The following MYO5B variants were observed in gnomAD, a reference collection of about 807,000 sequenced individuals.
MYO5B encodes myosin VB.
In MYO5B, 143 loss-of-function variants were observed where a neutral mutation model predicts 229.3. The ratio of observed to expected loss-of-function variants is 0.62; its 90% CI spans 0.54 to 0.72. MYO5B has a LOEUF of 0.72. Ranked by LOEUF, MYO5B falls within the 30% of genes least tolerant of loss-of-function variation. The pLI is 0.00. For missense variants in MYO5B, 2,321 were observed against 2,331.0 expected (o/e 1.00, Z 0.09); for synonymous variants, 918 against 885.2 (o/e 1.04, Z -0.66).
intron 14 of MYO5B, among the ~76,000 whole-genome samples, chr18:49,950,894 G>T (rs1292202146): frequency 2.0e-5 from 3 of 152,158 alleles, no homozygotes; most frequent in Non-Finnish European, 4.4e-5. Context: ...TGGTGTCAGG[G>T]GAACTTGGAT....
At chr18:50,118,538 T>A (rs189183084) in intron 1 of MYO5B, among the ~76,000 whole-genome samples, 6 of 152,320 alleles carry the variant, frequency 3.9e-5, no homozygotes, top group East Asian at 3.9e-4. Context: ...CATTTCTTTT[T>A]TTATTATTAT....
At chr18:49,858,577 TCGTCCC>T (rs1027382397) in intron 29 of MYO5B, among the ~76,000 whole-genome samples, 3 of 152,130 alleles carry the variant, frequency 2.0e-5, no homozygotes, top group African/African-American at 7.2e-5. Context: ...CTCACCTCTG[TCGTCCC>T]CGTAAACCTA....
chr18:50,150,737 G>C (rs2032585576), intron 1 of MYO5B, among the ~76,000 whole-genome samples: 1 of 152,094 alleles, frequency 6.6e-6, no homozygotes, highest in Non-Finnish European at 1.5e-5. Context: ...AATGCTAGAT[G>C]ACAAGTTAGT....
At chr18:49,865,958 C>T (rs1055856972) in intron 27 of MYO5B, among the ~76,000 whole-genome samples, 1 of 152,254 alleles carries the variant, frequency 6.6e-6, no homozygotes, top group African/African-American at 2.4e-5. Flanking sequence ...CTCCCCTCTC[C>T]TCCCCCACAG....
At chr18:49,958,399 C>A (rs1176655701) in intron 12 of MYO5B, among the ~76,000 whole-genome samples, 3 of 152,220 alleles carry the variant, frequency 2.0e-5, no homozygotes, top group African/African-American at 7.2e-5. Flanking sequence ...CCATTCTCTT[C>A]AAGCTTCTGA....
In MYO5B at chr18:49,974,466, G is replaced by A. The variant is rs11082795; in HGVS notation, c.1206C>T (p.Asn402=). 0.034 allele frequency: 55,510 copies of A among 1,614,104 alleles called. 2,881 individuals are homozygous for A. Among genetic ancestry groups the A allele is most frequent in the East Asian group, 0.26 (11,642 of 44,862 alleles). The part of the protein sequence containing the change: ...MSLQQVINAR[N]ALAKHIYAQL... ...GGGCATAGATGTGCTTCGCCAGGGC[G>A]TTGCGCGCATTGATCACCTGCTGCA... is the stretch of plus-strand genomic sequence containing the variant. The change falls in exon 10 of 40, where the codon AAC becomes AAT. Residue 402 remains asparagine (N), a synonymous_variant. Transcript: ENST00000285039.
At chr18:49,866,025 T>C (rs1300535210) in intron 27 of MYO5B, among the ~76,000 whole-genome samples, 1 of 152,216 alleles carries the variant, frequency 6.6e-6, no homozygotes, top group Non-Finnish European at 1.5e-5. Flanking sequence ...AGAATATGCA[T>C]GCTTTATTGT....
At chr18:50,190,068 C>T (rs1356567755) in intron 1 of MYO5B, among the ~76,000 whole-genome samples, 1 of 152,122 alleles carries the variant, frequency 6.6e-6, no homozygotes, top group African/African-American at 2.4e-5. Context: ...GGTTTCAAGG[C>T]ACCAGTTTCA....
chr18:50,050,499 G>C (rs2030362544), intron 2 of MYO5B, among the ~76,000 whole-genome samples: 1 of 152,236 alleles, frequency 6.6e-6, no homozygotes, highest in South Asian at 2.1e-4. Flanking sequence ...ACCTGAGCAA[G>C]AGGGATCCCT....
At chr18:50,101,591 T>A (rs962770863) in intron 1 of MYO5B, among the ~76,000 whole-genome samples, 2 of 151,910 alleles carry the variant, frequency 1.3e-5, no homozygotes, top group African/African-American at 4.8e-5. Flanking sequence ...GAAAATGATA[T>A]GGTACTTCTC....
chr18:49,848,326 G>A (rs942674810), intron 32 of MYO5B, among the ~76,000 whole-genome samples: 3 of 151,970 alleles, frequency 2.0e-5, no homozygotes, highest in African/African-American at 7.3e-5. Context: ...TGATGGTGGT[G>A]GGGCTGGAAG....
intron 12 of MYO5B, among the ~76,000 whole-genome samples, chr18:49,957,361 A>C (rs1255925882): frequency 6.6e-6 from 1 of 151,744 alleles, no homozygotes; most frequent in Non-Finnish European, 1.5e-5. Flanking sequence ...CCCAAGGCCA[A>C]CCAGGCGCAA....
intron 34 of MYO5B, among the ~76,000 whole-genome samples, chr18:49,841,788 G>A (rs1274048853): frequency 2.6e-5 from 4 of 152,174 alleles, no homozygotes; most frequent in African/African-American, 9.7e-5. Flanking sequence ...CAACAGCCCC[G>A]GGCTCTCGTC....
intron 7 of MYO5B, among the ~76,000 whole-genome samples, chr18:49,985,039 GTGC>G (rs1167100668): frequency 6.6e-6 from 1 of 152,208 alleles, no homozygotes; most frequent in Non-Finnish European, 1.5e-5. Flanking sequence ...TGACAGAAAT[GTGC>G]TGCTGTATTT....
intron 8 of MYO5B, among the ~76,000 whole-genome samples, chr18:49,982,502 A>G (rs190762496): frequency 6.6e-6 from 1 of 152,316 alleles, no homozygotes; most frequent in African/African-American, 2.4e-5. Flanking sequence ...TGATGAGAAC[A>G]TCCTTTCCTG....
intron 2 of MYO5B, among the ~76,000 whole-genome samples, chr18:50,042,710 A>G (rs1012700216): frequency 8.5e-5 from 13 of 152,184 alleles, no homozygotes; most frequent in Non-Finnish European, 1.5e-4. Flanking sequence ...CTCCCCACAA[A>G]GCATCCCAAC....
chr18:49,965,667 A>G (rs1426408922), intron 10 of MYO5B, among the ~76,000 whole-genome samples: 2 of 152,200 alleles, frequency 1.3e-5, no homozygotes, highest in Non-Finnish European at 2.9e-5. Context: ...GGGAGACTGA[A>G]TAAGCTGTGC....
chr18:50,174,565 G>A (rs1347300438), intron 1 of MYO5B, among the ~76,000 whole-genome samples: 1 of 152,160 alleles, frequency 6.6e-6, no homozygotes, highest in East Asian at 1.9e-4. Flanking sequence ...AACTAAATGG[G>A]AGAACATCAT....
intron 1 of MYO5B, among the ~76,000 whole-genome samples, chr18:50,185,430 G>A (rs1465051429): frequency 3.3e-5 from 5 of 152,052 alleles, no homozygotes; most frequent in Admixed American, 3.3e-4. Context: ...CCAGCTTTAG[G>A]AATTTATTCT....
Sources: gnomAD v4.1 joint callset for allele counts (sites outside exome capture counted in the v4.1 genomes callset) on GRCh38, gnomAD v4.1.1 for gene constraint, MANE v1.5 for transcripts, NCBI Gene and HGNC (gene_info 2026-07-23, HGNC 2026-07-21) for gene names.